The following PLCE1 variants were observed in gnomAD, a reference collection of about 807,000 sequenced individuals.
PLCE1 encodes phospholipase C epsilon 1.
Under a neutral mutation model 242.8 loss-of-function variants are expected in PLCE1, and 119 were observed. That is an observed-to-expected ratio of 0.49 (90% CI 0.42 to 0.57). The LOEUF (loss-of-function observed/expected upper bound fraction) is 0.57, where lower values mean the gene tolerates loss of function less well. Among genes scored for constraint, PLCE1 ranks in the 20% least tolerant of loss-of-function variants. PLCE1 has a pLI of 0.00. For synonymous variants in PLCE1, 945 were observed against 1,017.4 expected (o/e 0.93, Z 1.35); for missense variants, 2,441 against 2,788.8 (o/e 0.88, Z 2.81).
rs182242611 is a variant in PLCE1, at chr10:94,079,680, C to T, written c.1206+47428C>T. On this transcript the variant is annotated intron_variant, in intron 2 of 32. Transcript: ENST00000371380. ...CTTTATAGCAGAGCCAGTTCAAGAA[C>T]CCTCAGGAAAAATTCTTGCCCTAAG... Among the ~76,000 whole-genome samples the T allele has an allele frequency of 2.1e-3, 326 of 152,222 alleles. 2 individuals are homozygous for T. The highest frequency in any genetic ancestry group is 6.3e-3 in the African/African-American group (261 of 41,522).
intron 24 of PLCE1, among the ~76,000 whole-genome samples, chr10:94,300,374 G>A (rs1407778652): frequency 6.6e-6 from 1 of 152,218 alleles, no homozygotes; most frequent in Non-Finnish European, 1.5e-5. Context: ...AGTTGGGATT[G>A]AGAGTACGTC....
Position 94,224,101 on chromosome 10 carries a change from TGC to T in PLCE1, c.1810-3203_1810-3202del, listed in dbSNP as rs796292229. 6.1e-3 allele frequency among the ~76,000 whole-genome samples: 740 copies of T among 122,090 alleles called. 1 individual carries two copies. The highest frequency in any genetic ancestry group is 0.024 in the African/African-American group (656 of 27,614). 80.1% of individuals were successfully genotyped at this position (122,090 alleles called of 152,430 possible). On this transcript the variant is annotated intron_variant, in intron 4 of 32. Transcript: ENST00000371380. ...TTGTAAACAGATGTTGGGGTGTGTGTGCGTGTGTGTGTGTGTGTGTGGTGTGT... is the reference window on the plus strand; with the variant it reads ...TTGTAAACAGATGTTGGGGTGTGTGTGTGTGTGTGTGTGTGTGTGGTGTGT...
chr10:94,097,013 A>G (rs755341608), intron 2 of PLCE1: 2 of 152,206 alleles, frequency 1.3e-5, no homozygotes, highest in Non-Finnish European at 2.9e-5. Context: ...TATGAAAGAA[A>G]GTACCAAGAA....
chr10:94,115,673 AGATG>A (rs2046102175), intron 2 of PLCE1, among the ~76,000 whole-genome samples: 1 of 152,244 alleles, frequency 6.6e-6, no homozygotes, highest in Non-Finnish European at 1.5e-5. Context: ...GCCCTTTGTC[AGATG>A]AGTAGATTGT....
intron 22 of PLCE1, among the ~76,000 whole-genome samples, chr10:94,287,980 T>C (rs2052518899): frequency 6.6e-6 from 1 of 152,218 alleles, no homozygotes; most frequent in East Asian, 1.9e-4. Context: ...CATTGTGACA[T>C]CTCCTTTCTG....
intron 4 of PLCE1, among the ~76,000 whole-genome samples, chr10:94,189,660 G>A (rs902169238): frequency 1.3e-5 from 2 of 152,136 alleles, no homozygotes; most frequent in African/African-American, 4.8e-5. Context: ...ATGACAGTGA[G>A]AATATAAGGG....
intron 2 of PLCE1, among the ~76,000 whole-genome samples, chr10:94,125,853 GAAGTC>G (rs1017580574): frequency 1.6e-4 from 25 of 152,128 alleles, no homozygotes; most frequent in African/African-American, 5.6e-4. Flanking sequence ...GACTTTAGTA[GAAGTC>G]AAGTCAAGAA....
At chr10:94,080,845 T>C (rs780553668) in intron 2 of PLCE1, among the ~76,000 whole-genome samples, 3 of 152,222 alleles carry the variant, frequency 2.0e-5, no homozygotes, top group Non-Finnish European at 4.4e-5. Context: ...TTATGACAAA[T>C]AGCCATGTAC....
intron 9 of PLCE1, 55 bp from the exon 10 acceptor site, chr10:94,254,135 G>C (rs2050978968): frequency 7.9e-7 from 1 of 1,264,646 alleles, no homozygotes; most frequent in Non-Finnish European, 1.2e-6. Flanking sequence ...CTGAACTAAA[G>C]CAGTGATGGG....
chr10:94,007,126 G>A (rs2061054689), intron 1 of PLCE1, among the ~76,000 whole-genome samples: 1 of 152,166 alleles, frequency 6.6e-6, no homozygotes, highest in Admixed American at 6.5e-5. Context: ...AGAGGTACCG[G>A]TTCATAGGAA....
intron 2 of PLCE1, among the ~76,000 whole-genome samples, chr10:94,110,243 T>C (rs1401729977): frequency 6.6e-6 from 1 of 151,718 alleles, no homozygotes; most frequent in Non-Finnish European, 1.5e-5. Context: ...TTTGTATTTT[T>C]AGTAGAGACG....
chr10:94,183,313 C>T (rs1204890152), intron 4 of PLCE1, among the ~76,000 whole-genome samples: 3 of 152,170 alleles, frequency 2.0e-5, no homozygotes, highest in African/African-American at 7.2e-5. Flanking sequence ...GATTTCAGTA[C>T]CAACTTTTGT....
In PLCE1 at chr10:94,171,191, G is replaced by A. The variant is rs200875238; in HGVS notation, c.1504G>A (p.Gly502Ser). 1.0e-4 allele frequency: 162 copies of A among 1,614,144 alleles called. 1 individual carries two copies. The highest frequency in any genetic ancestry group is 5.2e-4 in the Admixed American group (31 of 60,032). Residue 502 changes from glycine to serine, a missense_variant, in exon 4 of 33, where the codon GGC (glycine) becomes AGC (serine). Gly to Ser is a moderately conservative substitution (Grantham distance 56, BLOSUM62 0). Transcript: ENST00000371380. The stretch of plus-strand genomic sequence containing the variant: ...TTGCTTTGTTTTAGAACGCCAGCCA[G>A]GCCCCTCTGTGGCCAATTCCAATGC... ...GRMMLKERQP[G>S]PSVANSNALP...
At chr10:94,051,286 CAAAAAAAAAAAAAA>C (rs869233995) in intron 2 of PLCE1, among the ~76,000 whole-genome samples, 6 of 29,356 alleles carry the variant, frequency 2.0e-4, no homozygotes, top group African/African-American at 5.5e-4. Context: ...GACTCCAACT[CAAAAAAAAAAAAAA>C]AAAAAAAAAA....
chr10:94,254,743 A>C (rs1589425891), intron 10 of PLCE1, 150 bp from the exon 11 acceptor site: 7 of 848,044 alleles, frequency 8.3e-6, no homozygotes, highest in East Asian at 4.8e-5. Context: ...AGATTAGCCC[A>C]TTCATAAAGA....
chr10:94,083,490 A>T (rs2044714124), intron 2 of PLCE1, among the ~76,000 whole-genome samples: 1 of 152,202 alleles, frequency 6.6e-6, no homozygotes, highest in African/African-American at 2.4e-5. Flanking sequence ...GGGCTAGGGA[A>T]GATAAGCCAT....
intron 4 of PLCE1, among the ~76,000 whole-genome samples, chr10:94,202,690 A>T (rs2049023316): frequency 6.6e-6 from 1 of 152,220 alleles, no homozygotes; most frequent in Non-Finnish European, 1.5e-5. Flanking sequence ...CTTGGCTACA[A>T]GGTGTGTCCG....
In PLCE1 at chr10:94,260,970, T is replaced by C. The variant is rs908159306; in HGVS notation, c.3815-1524T>C. 4.6e-5 allele frequency among the ~76,000 whole-genome samples: 7 copies of C among 152,206 alleles called. No individual in the cohort carries two copies. The South Asian group carries it at 6.2e-4, about 14-fold the overall frequency. ...CATTAGTGTAGTACATTTGTTACAA[T>C]TGAGTTAATATTGATATATTATGAT... On this transcript the variant is annotated intron_variant, in intron 13 of 32. Coordinates refer to ENST00000371380, the MANE Select transcript of PLCE1 (RefSeq NM_016341.4).
At chr10:94,120,475 G>A (rs1018259628) in intron 2 of PLCE1, among the ~76,000 whole-genome samples, 5 of 152,134 alleles carry the variant, frequency 3.3e-5, no homozygotes, top group Non-Finnish European at 7.3e-5. Flanking sequence ...TACTGAGTTC[G>A]TGATCCTTGG....
Sources: gnomAD v4.1 joint callset for allele counts (sites outside exome capture counted in the v4.1 genomes callset) on GRCh38, gnomAD v4.1.1 for gene constraint, MANE v1.5 for transcripts, NCBI Gene and HGNC (gene_info 2026-07-23, HGNC 2026-07-21) for gene names.